Variants in TNRC6B observed in about 807,000 individuals in gnomAD.
TNRC6B encodes the protein trinucleotide repeat containing adaptor 6B, also known as trinucleotide repeat-containing gene 6B protein.
Under a neutral mutation model 203.6 loss-of-function variants are expected in TNRC6B, and 52 were observed. The ratio of observed to expected loss-of-function variants is 0.26; its 90% CI spans 0.20 to 0.32. TNRC6B has a LOEUF of 0.32. Ranked by LOEUF, TNRC6B falls within the 10% of genes least tolerant of loss-of-function variation. The probability of loss-of-function intolerance (pLI) is 1.00; values close to 1 mark genes in which losing one functional copy is unlikely to be tolerated. For synonymous variants in TNRC6B, 838 were observed against 845.7 expected (o/e 0.99, Z 0.16); for missense variants, 1,923 against 2,286.2 (o/e 0.84, Z 3.24).
chr22:40,257,542 C>T (rs1005831462), intron 3 of TNRC6B, among the ~76,000 whole-genome samples: 1 of 151,628 alleles, frequency 6.6e-6, no homozygotes, highest in African/African-American at 2.4e-5. Context: ...CATGGTGAAA[C>T]CCCGTCTCTA....
At chr22:40,213,756 A>C (rs2069595115) in intron 1 of TNRC6B, among the ~76,000 whole-genome samples, 1 of 152,186 alleles carries the variant, frequency 6.6e-6, no homozygotes, top group Non-Finnish European at 1.5e-5. Context: ...GGGCTTTGGA[A>C]AGATGCCAAG....
Position 40,325,874 on chromosome 22 carries a change from A to G in TNRC6B, c.*2633A>G, listed in dbSNP as rs1413476041. 1 of 152,652 alleles carries G rather than the reference A, an allele frequency of 6.6e-6. No homozygotes were observed. Among genetic ancestry groups the G allele is most frequent in the Non-Finnish European group, 1.5e-5 (1 of 68,052 alleles). 9.5% of individuals were successfully genotyped at this position (152,652 alleles called of 1,614,324 possible). On this transcript the variant is annotated 3_prime_UTR_variant, in exon 23 of 23. Transcript: ENST00000454349. ...GGTTCCTTGACCTGCACTATGGGTT[A>G]GTTGAGTTCCTTACGATACTACGGT... is the stretch of plus-strand genomic sequence containing the variant.
At chr22:40,203,867 AG>A (rs1434482175) in intron 1 of TNRC6B, among the ~76,000 whole-genome samples, 3 of 152,108 alleles carry the variant, frequency 2.0e-5, no homozygotes, top group African/African-American at 7.2e-5. Context: ...GAGAGGGAGG[AG>A]GGTGTCCAGC....
intron 1 of TNRC6B, among the ~76,000 whole-genome samples, chr22:40,223,704 A>G (rs138035): frequency 0.32 from 48,682 of 152,118 alleles, 9,574 homozygotes; most frequent in East Asian, 0.57. Flanking sequence ...TTTTGCCGTT[A>G]CAAACATATT....
intron 3 of TNRC6B, among the ~76,000 whole-genome samples, chr22:40,153,803 C>A (rs1267149139): frequency 6.6e-6 from 1 of 150,614 alleles, no homozygotes. Context: ...TGTTTGTCAG[C>A]CGGTAGTATT....
At chr22:40,070,708 A>G (rs536367316) in intron 1 of TNRC6B, among the ~76,000 whole-genome samples, 3 of 152,352 alleles carry the variant, frequency 2.0e-5, no homozygotes, top group African/African-American at 7.2e-5. Context: ...ATTTTAATAA[A>G]AACTCATTTT....
At position 40,221,751 on chromosome 22, in the gene TNRC6B, GC is replaced by G. The variant is rs1239327384; in HGVS notation, c.6-24254del. On this transcript the variant is annotated intron_variant, in intron 1 of 22. Coordinates refer to ENST00000454349, the MANE Select transcript of TNRC6B (RefSeq NM_001162501.2). ...ACCACACCTGGCCCACCTTCTTATT[GC>G]CCCCCCCCCTTTTTTTTTTTTGACT... 1.3e-3 allele frequency among the ~76,000 whole-genome samples: 149 copies of G among 112,724 alleles called. 2 individuals carry two copies. Among genetic ancestry groups the G allele is most frequent in the African/African-American group, 2.5e-3 (81 of 31,776 alleles). The allele number at this position is 112,724 out of a possible 152,430, so 74.0% of individuals were successfully genotyped here. A position where few individuals can be genotyped will look rare whatever the true frequency, so the allele number is the denominator to read the frequency against.
chr22:40,165,534 G>A (rs897018916), intron 4 of TNRC6B, among the ~76,000 whole-genome samples: 3 of 152,034 alleles, frequency 2.0e-5, no homozygotes, highest in South Asian at 2.1e-4. Flanking sequence ...TTTTATCTTC[G>A]TTCTCCTTAA....
intron 1 of TNRC6B, among the ~76,000 whole-genome samples, chr22:40,078,560 C>T (rs2068039033): frequency 6.6e-6 from 1 of 151,994 alleles, no homozygotes; most frequent in Non-Finnish European, 1.5e-5. Flanking sequence ...CAATTAATTA[C>T]TACTGAGAAG....
At chr22:40,280,674 A>G (rs543485363) in intron 10 of TNRC6B, among the ~76,000 whole-genome samples, 1 of 152,370 alleles carries the variant, frequency 6.6e-6, no homozygotes, top group South Asian at 2.1e-4. Context: ...ATCTTGATCC[A>G]GAATACCAAT....
chr22:40,277,045 T>C, intron 7 of TNRC6B, 32 bp from the exon 8 acceptor site: 1 of 1,529,022 alleles, frequency 6.5e-7, no homozygotes, highest in Non-Finnish European at 8.8e-7. Context: ...ATAAATTATT[T>C]GGTTCTGAGG....
chr22:40,232,829 A>G (rs1443124720), intron 1 of TNRC6B, among the ~76,000 whole-genome samples: 2 of 152,168 alleles, frequency 1.3e-5, no homozygotes, highest in East Asian at 1.9e-4. Context: ...CCTGGCCAAC[A>G]TGGCGAAACC....
chr22:40,178,193 C>T, intron 1 of TNRC6B, 53 bp downstream of exon 1: 2 of 1,599,350 alleles, frequency 1.3e-6, no homozygotes, highest in South Asian at 2.2e-5. Flanking sequence ...TGGATCTTGT[C>T]TAACCGTTTT....
chr22:40,262,164 A>T lies in TNRC6B; in HGVS notation c.448A>T (p.Thr150Ser). The change falls in exon 4 of 23, where the codon ACT becomes TCT. Residue 150 changes from threonine (T) to serine (S), a missense_variant. By Grantham distance (58) the Thr-to-Ser change is moderately conservative. This residue lies in a region of TNRC6B where 614 missense variants were observed against 587.7 expected (regional missense o/e 1.04). Transcript: ENST00000454349. ...AGCGCTGCTGCAGAGTGAGAGTGGG[A>T]CTGCGCCAGGTAAGGCACCCTGTGA... is the stretch of plus-strand genomic sequence containing the variant. ...TGALLQSESG[T>S]APDSTLGGAA... The T allele has an allele frequency of 1.4e-6, 2 of 1,412,664 alleles. No homozygotes were observed. Among genetic ancestry groups the T allele is most frequent in the Non-Finnish European group, 1.9e-6 (2 of 1,065,020 alleles). The allele number at this position is 1,412,664 out of a possible 1,614,324, so 87.5% of individuals were successfully genotyped here.
chr22:40,327,642 A>T lies in TNRC6B; in HGVS notation c.*4401A>T, dbSNP rs1208611551. 1 of 152,120 alleles carries T rather than the reference A, an allele frequency of 6.6e-6. No homozygotes were observed. Among genetic ancestry groups the T allele is most frequent in the Non-Finnish European group, 1.5e-5 (1 of 68,042 alleles). 9.4% of individuals were successfully genotyped at this position (152,120 alleles called of 1,614,324 possible). On this transcript the variant is annotated 3_prime_UTR_variant, in exon 23 of 23. Transcript: ENST00000454349. ...AAGAACAGGATATGGTGAGGATGTC[A>T]TGGAAGAGAAGAGCTCTTTCCGTGG...
chr22:40,155,534 G>A (rs2068812111), intron 3 of TNRC6B, among the ~76,000 whole-genome samples: 2 of 151,928 alleles, frequency 1.3e-5, no homozygotes, highest in South Asian at 4.1e-4. Context: ...TGATCTGCCC[G>A]CTTTGGCCTC....
chr22:40,279,292 C>A (rs2070693404), intron 9 of TNRC6B, among the ~76,000 whole-genome samples: 1 of 152,256 alleles, frequency 6.6e-6, no homozygotes, highest in Admixed American at 6.5e-5. Flanking sequence ...GAAAATAATT[C>A]TGGGTAGTAA....
intron 1 of TNRC6B, among the ~76,000 whole-genome samples, chr22:40,088,111 A>G (rs541879648): frequency 3.3e-5 from 5 of 152,342 alleles, no homozygotes; most frequent in East Asian, 3.9e-4. Context: ...CCTTCACTCC[A>G]AGGATGAACT....
intron 1 of TNRC6B, among the ~76,000 whole-genome samples, chr22:40,091,778 A>G (rs1199151990): frequency 6.6e-6 from 1 of 152,176 alleles, no homozygotes; most frequent in Non-Finnish European, 1.5e-5. Context: ...AACGTTCATT[A>G]TATTATTGTC....
Sources: gnomAD v4.1 joint callset for allele counts (sites outside exome capture counted in the v4.1 genomes callset) on GRCh38, gnomAD v4.1.1 for gene constraint, gnomAD v4.1.1 regional missense constraint, MANE v1.5 for transcripts, NCBI Gene and HGNC (gene_info 2026-07-23, HGNC 2026-07-21) for gene names.